Variants in ZNF148 observed in about 807,000 individuals in gnomAD.
The protein encoded by ZNF148 is Beta-Enolase Repressor Factor-1.
ZNF148 carries 7 observed loss-of-function variants against 67.7 expected under a neutral mutation model. The observed-to-expected ratio is 0.10, with a 90% CI of 0.06 to 0.19. The LOEUF (loss-of-function observed/expected upper bound fraction) is 0.19, where lower values mean the gene tolerates loss of function less well. ZNF148 is among the 10% of genes least tolerant of loss of function. ZNF148 has a pLI of 1.00. For synonymous variants in ZNF148, 333 were observed against 330.7 expected (o/e 1.01, Z -0.08); for missense variants, 583 against 947.1 (o/e 0.62, Z 5.05).
At chr3:125,261,706 T>C (rs1391145174) in intron 7 of ZNF148, among the ~76,000 whole-genome samples, 1 of 151,744 alleles carries the variant, frequency 6.6e-6, no homozygotes, top group Admixed American at 6.6e-5. Context: ...TAAAGCTTGG[T>C]GAGCACTAGT....
At chr3:125,319,516 GA>G (rs936439713) in intron 3 of ZNF148, among the ~76,000 whole-genome samples, 1 of 151,944 alleles carries the variant, frequency 6.6e-6, no homozygotes, top group African/African-American at 2.4e-5. Flanking sequence ...TAAAAACTGG[GA>G]AAAAAATGCT....
At chr3:125,337,016 C>T (rs1018054583) in intron 1 of ZNF148, among the ~76,000 whole-genome samples, 3 of 115,378 alleles carry the variant, frequency 2.6e-5, no homozygotes, top group African/African-American at 9.4e-5. Flanking sequence ...TCTACTCTCA[C>T]AAAAAAAAAA....
At chr3:125,292,877 C>T (rs1939087947) in intron 4 of ZNF148, 1 of 152,080 alleles carries the variant, frequency 6.6e-6, no homozygotes, top group Non-Finnish European at 1.5e-5. Context: ...TTTACAGAGG[C>T]TAATTAAAAT....
intron 3 of ZNF148, among the ~76,000 whole-genome samples, chr3:125,320,810 C>T (rs956002751): frequency 2.0e-5 from 3 of 152,156 alleles, no homozygotes; most frequent in South Asian, 2.1e-4. Flanking sequence ...TACTTCTGAT[C>T]CAAAGCACTC....
chr3:125,232,965 A>G lies in ZNF148; in HGVS notation c.1761T>C (p.Val587=). Residue 587 remains valine (V), a synonymous_variant, in exon 9 of 9, where the codon GTT becomes GTC. Coordinates refer to ENST00000360647, the MANE Select transcript of ZNF148 (RefSeq NM_021964.3). The surrounding 1 kb of genome is among the most constrained non-coding windows in gnomAD (Gnocchi z 4.2). ...EVPEVTPSEN[V]GSSSQASSSD... is the part of the protein sequence containing the mutation. ...ATGAGGATGCTTGGGAGCTTGATCC[A>G]ACATTCTCTGACGGGGTGACCTCTG... 6.2e-7 allele frequency: 1 copy of G among 1,613,870 alleles called. No homozygotes were observed. The highest frequency in any genetic ancestry group is 8.5e-7 in the Non-Finnish European group (1 of 1,179,826).
rs191023639 is a variant in ZNF148, at chr3:125,301,790, G to A, written c.333+11518C>T. Among the ~76,000 whole-genome samples the A allele has an allele frequency of 4.9e-4, 74 of 152,248 alleles. 1 individual carries two copies. Among genetic ancestry groups the A allele is most frequent in the African/African-American group, 1.6e-3 (67 of 41,552 alleles). On this transcript the variant is annotated intron_variant, in intron 4 of 8. Coordinates refer to ENST00000360647, the MANE Select transcript of ZNF148 (RefSeq NM_021964.3). ...TTCAAAAATGTACATTCGGCCAGGC[G>A]CAGTGGCTCACACCTATAATCCCAC...
chr3:125,299,101 C>A (rs537622086), intron 4 of ZNF148, among the ~76,000 whole-genome samples: 1 of 152,314 alleles, frequency 6.6e-6, no homozygotes, highest in African/African-American at 2.4e-5. Context: ...TTTATTATTT[C>A]TTCTACCTTG....
At chr3:125,302,714 T>C (rs999614014) in intron 4 of ZNF148, among the ~76,000 whole-genome samples, 2 of 152,140 alleles carry the variant, frequency 1.3e-5, no homozygotes, top group Non-Finnish European at 1.5e-5. Context: ...GAACACACAA[T>C]TGAGAAAAAT....
intron 2 of ZNF148, among the ~76,000 whole-genome samples, chr3:125,328,235 A>G (rs973561344): frequency 6.6e-6 from 1 of 152,210 alleles, no homozygotes; most frequent in Non-Finnish European, 1.5e-5. Context: ...CCTATAATCA[A>G]TGATAAAGAC....
At chr3:125,330,465 C>CAA (rs200643048) in intron 2 of ZNF148, among the ~76,000 whole-genome samples, 23 of 118,444 alleles carry the variant, frequency 1.9e-4, no homozygotes, top group South Asian at 2.6e-4. Context: ...AACCCTATCT[C>CAA]AAAAAAAAAA....
intron 1 of ZNF148, among the ~76,000 whole-genome samples, chr3:125,347,887 C>T (rs1213393529): frequency 6.6e-6 from 1 of 152,126 alleles, no homozygotes; most frequent in Non-Finnish European, 1.5e-5. Context: ...GTCTTTTCAA[C>T]AAACCAGTGC....
chr3:125,243,068 T>C (rs543029266), intron 7 of ZNF148, among the ~76,000 whole-genome samples: 1 of 152,356 alleles, frequency 6.6e-6, no homozygotes, highest in African/African-American at 2.4e-5. Context: ...AGTGTTTATG[T>C]TAACTTATGA....
chr3:125,352,620 C>A (rs926311020), intron 1 of ZNF148, among the ~76,000 whole-genome samples: 2 of 142,526 alleles, frequency 1.4e-5, no homozygotes, highest in African/African-American at 5.3e-5. Context: ...TCTAAGTAAA[C>A]GGAGAAATAT....
chr3:125,372,622 G>C (rs137995252), intron 1 of ZNF148, among the ~76,000 whole-genome samples: 1 of 152,358 alleles, frequency 6.6e-6, no homozygotes, highest in African/African-American at 2.4e-5. Flanking sequence ...ATAGGCAGGT[G>C]AGACAGGGGC....
At chr3:125,348,964 TGCCAA>T (rs1559774554) in intron 1 of ZNF148, among the ~76,000 whole-genome samples, 3 of 152,068 alleles carry the variant, frequency 2.0e-5, no homozygotes, top group Admixed American at 6.6e-5. Flanking sequence ...TCAAGAAAGG[TGCCAA>T]GAATCCACAA....
In ZNF148 at chr3:125,231,017, G is replaced by A. The variant is rs1358364913; in HGVS notation, c.*1324C>T. On this transcript the variant is annotated 3_prime_UTR_variant, in exon 9 of 9. Coordinates refer to ENST00000360647, the MANE Select transcript of ZNF148 (RefSeq NM_021964.3). The stretch of plus-strand genomic sequence containing the variant: ...TTAAAAAAAAACATTCATGGTATAA[G>A]GATAAAGTCTGTAGTTTATTTAGAT... 1.3e-5 allele frequency: 2 copies of A among 152,242 alleles called. No individual in the cohort carries two copies. The highest frequency in any genetic ancestry group is 4.8e-5 in the African/African-American group (2 of 41,352). 9.4% of individuals were successfully genotyped at this position (152,242 alleles called of 1,614,324 possible).
intron 7 of ZNF148, among the ~76,000 whole-genome samples, chr3:125,271,688 AT>A (rs1937747086): frequency 6.6e-6 from 1 of 152,218 alleles, no homozygotes; most frequent in African/African-American, 2.4e-5. Context: ...AAGTGAGATA[AT>A]TTATGTATTG....
At chr3:125,321,816 A>T (rs1014998702) in intron 3 of ZNF148, among the ~76,000 whole-genome samples, 2 of 152,062 alleles carry the variant, frequency 1.3e-5, no homozygotes, top group African/African-American at 4.8e-5. Context: ...TACATAATAA[A>T]TATTTTAAAA....
intron 5 of ZNF148, among the ~76,000 whole-genome samples, chr3:125,285,071 ACT>A (rs1411104313): frequency 6.6e-6 from 1 of 152,128 alleles, no homozygotes; most frequent in Non-Finnish European, 1.5e-5. Flanking sequence ...TTTTACTAAA[ACT>A]CTATCACATT....
Sources: allele counts gnomAD v4.1 joint callset (sites outside exome capture counted in the v4.1 genomes callset), GRCh38; gene constraint gnomAD v4.1.1; non-coding constraint Gnocchi (gnomAD v3.1); transcripts MANE v1.5; gene names NCBI Gene and HGNC (gene_info 2026-07-23, HGNC 2026-07-21).